Variants in NLRP5 observed in about 807,000 individuals in gnomAD.
The protein encoded by NLRP5 is NACHT, LRR and PYD domains-containing protein 5.
A neutral mutation model predicts 113.1 loss-of-function variants in NLRP5; 93 were observed. The ratio of observed to expected loss-of-function variants is 0.82; its 90% CI spans 0.70 to 0.98. NLRP5 has a LOEUF of 0.98. Ranked by LOEUF, NLRP5 falls within the 50% of genes least tolerant of loss-of-function variation. The probability of loss-of-function intolerance (pLI) is 0.00; values close to 1 mark genes in which losing one functional copy is unlikely to be tolerated. For synonymous variants in NLRP5, 751 were observed against 600.7 expected (o/e 1.25, Z -3.66); for missense variants, 1,808 against 1,514.3 (o/e 1.19, Z -3.22).
intron 2 of NLRP5, 60 bp from the exon 3 acceptor site, chr19:56,008,728 T>G: frequency 6.9e-7 from 1 of 1,447,980 alleles, no homozygotes; most frequent in Non-Finnish European, 9.5e-7. Flanking sequence ...TTCTTATCCT[T>G]GGCTTGGGTA....
intron 7 of NLRP5, among the ~76,000 whole-genome samples, chr19:56,028,785 A>G (rs1982980222): frequency 6.6e-6 from 1 of 152,130 alleles, no homozygotes; most frequent in Admixed American, 6.5e-5. Flanking sequence ...TATTATTTTA[A>G]GTCAGAGTCT....
At position 56,010,755 on chromosome 19, in the gene NLRP5, A is replaced by AAAAAAAAAT. The variant is rs78321861; in HGVS notation, c.508+1902_508+1903insAAAAAAAAT. On this transcript the variant is annotated intron_variant, in intron 3 of 14. Coordinates refer to ENST00000390649, the MANE Select transcript of NLRP5 (RefSeq NM_153447.4). Reference sequence around the variant, plus strand: ...TTAACTCTGTCTCAAAAAAAAAAAAAGTCCCTTGAAACTAAGCCAACCCAA... The same window carrying AAAAAAAAAT: ...TTAACTCTGTCTCAAAAAAAAAAAAAAAAAAAAATGTCCCTTGAAACTAAGCCAACCCAA... Among the ~76,000 whole-genome samples, 434 of 125,994 alleles carry AAAAAAAAAT rather than the reference A, an allele frequency of 3.4e-3. 20 individuals are homozygous for AAAAAAAAAT. The highest frequency in any genetic ancestry group is 0.013 in the African/African-American group (419 of 33,128). 82.7% of individuals were successfully genotyped at this position (125,994 alleles called of 152,430 possible). A position where few individuals can be genotyped will look rare whatever the true frequency, so the allele number is the denominator to read the frequency against.
At chr19:56,028,586 C>T in intron 7 of NLRP5, 77 bp downstream of exon 7, 4 of 1,360,910 alleles carry the variant, frequency 2.9e-6, no homozygotes, top group Non-Finnish European at 4.0e-6. Flanking sequence ...GACATGACTT[C>T]CAGGAACTTC....
intron 6 of NLRP5, among the ~76,000 whole-genome samples, chr19:56,025,887 A>G (rs190708430): frequency 1.9e-4 from 29 of 152,084 alleles, no homozygotes; most frequent in African/African-American, 7.0e-4. Context: ...TACATCATTC[A>G]TTTAACAAAT....
At chr19:56,002,613 C>A (rs192241715) in intron 1 of NLRP5, among the ~76,000 whole-genome samples, 2 of 150,026 alleles carry the variant, frequency 1.3e-5, no homozygotes, top group African/African-American at 5.0e-5. Context: ...TATCGCTCCC[C>A]CCTCCCCCAA....
chr19:55,990,728 G>GGCAGGAGAATGGCA, the NLRP5 span, among the ~76,000 whole-genome samples: 1 of 152,280 alleles, frequency 6.6e-6, no homozygotes, highest in Non-Finnish European at 1.5e-5. Context: ...GGGAGGCTGA[G>GGCAGGAGAATGGCA]GCAGGAGAAT....
intron 11 of NLRP5, among the ~76,000 whole-genome samples, chr19:56,046,399 CGTGTGTGTGT>C (rs139653516): frequency 2.0e-5 from 3 of 148,070 alleles, no homozygotes; most frequent in African/African-American, 7.4e-5. Context: ...TTTGTAGTTT[CGTGTGTGTGT>C]GTGTGTGTGT....
intron 3 of NLRP5, among the ~76,000 whole-genome samples, chr19:56,013,303 C>T (rs935664845): frequency 1.3e-5 from 2 of 152,112 alleles, no homozygotes; most frequent in Non-Finnish European, 2.9e-5. Flanking sequence ...CGCTATTTTC[C>T]TGCCTCAGCC....
At position 56,043,542 on chromosome 19, in the gene NLRP5, C is replaced by CTTTTTTT. The variant is rs369622191; in HGVS notation, c.2957+2485_2957+2491dup. 1.6e-3 allele frequency among the ~76,000 whole-genome samples: 153 copies of CTTTTTTT among 92,846 alleles called. 19 individuals carry two copies. Among genetic ancestry groups the CTTTTTTT allele is most frequent in the East Asian group, 5.2e-3 (11 of 2,098 alleles). 60.9% of individuals were successfully genotyped at this position (92,846 alleles called of 152,430 possible). A position where few individuals can be genotyped will look rare whatever the true frequency, so the allele number is the denominator to read the frequency against. On this transcript the variant is annotated intron_variant, in intron 11 of 14. Coordinates refer to ENST00000390649, the MANE Select transcript of NLRP5 (RefSeq NM_153447.4). ...TGGATTGTCTGTTTACTCTGCTATT[C>CTTTTTTT]TTTTTTTTTTTTTTTTTTTTTTTTT... is the stretch of plus-strand genomic sequence containing the variant.
intron 3 of NLRP5, among the ~76,000 whole-genome samples, chr19:56,013,491 C>T (rs1198098202): frequency 6.6e-6 from 1 of 150,762 alleles, no homozygotes; most frequent in African/African-American, 2.4e-5. Context: ...AAAGATTTGT[C>T]AATATCATAG....
intron 1 of NLRP5, among the ~76,000 whole-genome samples, chr19:56,001,966 TATA>T (rs1255508528): frequency 1.3e-5 from 2 of 152,184 alleles, no homozygotes; most frequent in Non-Finnish European, 2.9e-5. Context: ...ATAGGGCTCT[TATA>T]ATGACAAGAA....
rs1159970135 is a variant in NLRP5 at position 56,028,103 on chromosome 19, G to T, written c.1870G>T (p.Ala624Ser). 2 of 1,613,994 alleles carry T rather than the reference G, an allele frequency of 1.2e-6. 1 individual carries two copies. The highest frequency in any genetic ancestry group is 4.5e-5 in the East Asian group (2 of 44,886). ...AAAGAGGTCCATGGAGCTTAAACAGGCAGGCTTCCATATCCACTCGCTTTG... is the reference window on the plus strand; with the variant it reads ...AAAGAGGTCCATGGAGCTTAAACAGTCAGGCTTCCATATCCACTCGCTTTG... The change falls in exon 7 of 15, where the codon GCA becomes TCA. Residue 624 changes from alanine (A) to serine (S), a missense_variant. Physicochemically the swap from Ala to Ser is moderately conservative, Grantham distance 99 (BLOSUM62 1). Transcript: ENST00000390649.
In NLRP5 at chr19:56,026,913, G is replaced by C; in HGVS notation, c.680G>C (p.Gly227Ala). The change falls in exon 7 of 15, where the codon GGA becomes GCA. Residue 227 changes from glycine (G) to alanine (A), a missense_variant and splice_region_variant. Physicochemically the swap from Gly to Ala is moderately conservative, Grantham distance 60 (BLOSUM62 0). Coordinates refer to ENST00000390649, the MANE Select transcript of NLRP5 (RefSeq NM_153447.4). Reference sequence around the variant, plus strand: ...TTCATTCTACCCTCTCTGACTCCAGGACATGGAGGTGACACATGGGACTAC... The same window carrying C: ...TTCATTCTACCCTCTCTGACTCCAGCACATGGAGGTGACACATGGGACTAC... The C allele has an allele frequency of 6.5e-7, 1 of 1,549,892 alleles. No homozygotes were observed. Among genetic ancestry groups the C allele is most frequent in the Non-Finnish European group, 8.7e-7 (1 of 1,145,626 alleles).
chr19:56,004,278 A>G (rs1488100676), intron 2 of NLRP5, among the ~76,000 whole-genome samples, 183 bp downstream of exon 2: 1 of 152,012 alleles, frequency 6.6e-6, no homozygotes, highest in African/African-American at 2.4e-5. Context: ...AGCCTGTAAA[A>G]TAATGGAGGA....
intron 10 of NLRP5, 39 bp from the exon 11 acceptor site, chr19:56,040,883 G>T (rs781545376): frequency 1.3e-5 from 21 of 1,556,042 alleles, no homozygotes; most frequent in South Asian, 1.1e-4. Flanking sequence ...CTTTAAGAAG[G>T]CATCTCATCA....
intron 6 of NLRP5, among the ~76,000 whole-genome samples, chr19:56,025,292 C>G (rs1322847138): frequency 6.6e-6 from 1 of 152,148 alleles, no homozygotes; most frequent in Admixed American, 6.6e-5. Flanking sequence ...TTCCACAAAA[C>G]CGGTCCCTGG....
intron 11 of NLRP5, among the ~76,000 whole-genome samples, chr19:56,043,914 G>A (rs970795949): frequency 2.6e-5 from 4 of 151,584 alleles, no homozygotes; most frequent in African/African-American, 4.8e-5. Flanking sequence ...AAGCTCTTTG[G>A]TTCAATTAGG....
chr19:56,003,325 T>A (rs899298640), intron 1 of NLRP5, among the ~76,000 whole-genome samples: 2 of 152,200 alleles, frequency 1.3e-5, no homozygotes, highest in Admixed American at 1.3e-4. Flanking sequence ...CTAATTTTTT[T>A]ATATTTTTAA....
intron 9 of NLRP5, 28 bp downstream of exon 9, chr19:56,033,737 GTTT>G (rs772284616): frequency 1.3e-6 from 2 of 1,546,538 alleles, no homozygotes; most frequent in Non-Finnish European, 1.8e-6. Context: ...CTTTTGCCTT[GTTT>G]TTCTTCGTTT....
Sources: allele counts gnomAD v4.1 joint callset (sites outside exome capture counted in the v4.1 genomes callset), GRCh38; gene constraint gnomAD v4.1.1; transcripts MANE v1.5; gene names NCBI Gene and HGNC (gene_info 2026-07-23, HGNC 2026-07-21).